EMILIN2: variants seen among roughly 807,000 people sequenced by gnomAD.
EMILIN2 encodes the protein EMILIN-2.
A neutral mutation model predicts 87.1 loss-of-function variants in EMILIN2; 71 were observed. That is an observed-to-expected ratio of 0.82 (90% CI 0.67 to 0.99). EMILIN2 has a LOEUF of 0.99. EMILIN2 is among the 50% of genes least tolerant of loss of function. The probability of loss-of-function intolerance (pLI) is 0.00; values close to 1 mark genes in which losing one functional copy is unlikely to be tolerated. For missense variants in EMILIN2, 1,407 were observed against 1,371.8 expected, an observed-to-expected ratio of 1.03 and a Z score of -0.40; for synonymous variants, 581 against 563.4, an observed-to-expected ratio of 1.03 and a Z score of -0.44.
chr18:2,849,949 CAG>C (rs1438928819), intron 2 of EMILIN2, among the ~76,000 whole-genome samples: 9 of 152,184 alleles, frequency 5.9e-5, no homozygotes, highest in Admixed American at 3.9e-4. Flanking sequence ...TGTTTTGAGA[CAG>C]AGTCTTACCA....
chr18:2,853,749 C>T (rs185023916), intron 2 of EMILIN2, among the ~76,000 whole-genome samples: 25 of 152,308 alleles, frequency 1.6e-4, no homozygotes, highest in Non-Finnish European at 2.9e-4. Context: ...AATCCACAGC[C>T]GGGCTGAGCA....
At chr18:2,881,724 G>T (rs1433448126) in intron 2 of EMILIN2, among the ~76,000 whole-genome samples, 1 of 152,248 alleles carries the variant, frequency 6.6e-6, no homozygotes, top group Non-Finnish European at 1.5e-5. Flanking sequence ...TTCACATTCA[G>T]TCTGAATGCT....
chr18:2,889,692 C>CTTTTTTTTTTTT (rs34248672), intron 3 of EMILIN2, among the ~76,000 whole-genome samples: 31 of 96,614 alleles, frequency 3.2e-4, no homozygotes, highest in African/African-American at 4.1e-4. Flanking sequence ...TTTTTCTTTT[C>CTTTTTTTTTTTT]TTTTTTTTTT....
intron 2 of EMILIN2, among the ~76,000 whole-genome samples, chr18:2,878,801 C>T (rs1031162079): frequency 6.6e-6 from 1 of 152,186 alleles, no homozygotes; most frequent in Non-Finnish European, 1.5e-5. Flanking sequence ...ATACTGTGTT[C>T]CCACACACAT....
intron 5 of EMILIN2, among the ~76,000 whole-genome samples, chr18:2,908,085 T>C (rs2076923263): frequency 6.6e-6 from 1 of 152,220 alleles, no homozygotes; most frequent in South Asian, 2.1e-4. Context: ...CTATTCCTTC[T>C]TAGACACCTG....
At chr18:2,912,065 G>A (rs1446717888) in intron 7 of EMILIN2, among the ~76,000 whole-genome samples, 1 of 120,674 alleles carries the variant, frequency 8.3e-6, no homozygotes, top group Non-Finnish European at 1.6e-5. Flanking sequence ...TTCTGAGACA[G>A]TCTTGTTCTG....
At chr18:2,865,163 C>T (rs938461216) in intron 2 of EMILIN2, among the ~76,000 whole-genome samples, 16 of 143,678 alleles carry the variant, frequency 1.1e-4, no homozygotes, top group African/African-American at 1.3e-4. Flanking sequence ...TGGGTTTGAA[C>T]TTCCTCCTTT....
rs546620136 is a variant in EMILIN2 at position 2,891,234 on chromosome 18, A to G, written c.1107A>G (p.Ile369Met). Residue 369 changes from isoleucine (I) to methionine (M), a missense_variant, in exon 4 of 8, where the codon ATA (isoleucine) becomes ATG (methionine). Physicochemically the swap from Ile to Met is conservative, Grantham distance 10. Transcript: ENST00000254528. The surrounding 1 kb of genome is among the most constrained non-coding windows in gnomAD (Gnocchi z 4.6). The stretch of plus-strand genomic sequence containing the variant: ...GCTACCTGGGAGTGATAGAGCTCAT[A>G]GGGGAGAAGGAAACAAGCCTGAGAA... ...GSSYLGVIEL[I>M]GEKETSLRKE... 1 of 1,614,188 alleles carries G rather than the reference A, an allele frequency of 6.2e-7. No individual in the cohort carries two copies. The highest frequency in any genetic ancestry group is 8.5e-7 in the Non-Finnish European group (1 of 1,180,046).
rs990590742 is a variant in EMILIN2, at chr18:2,892,029, A to G, written c.1902A>G (p.Ala634=). The change falls in exon 4 of 8, where the codon GCA becomes GCG. Residue 634 remains alanine, a synonymous_variant. Transcript: ENST00000254528. ...HLQKEMSNCR[A]GENAGMGRFT... ...AAAAGGAAATGAGCAATTGTAGAGC[A>G]GGTGAAAACGCTGGCATGGGTAGGT... The G allele has an allele frequency of 6.2e-6, 10 of 1,614,140 alleles. No homozygotes were observed. The African/African-American group carries it at 1.3e-4, about 22-fold the overall frequency.
At chr18:2,856,375 G>A (rs1462203910) in intron 2 of EMILIN2, among the ~76,000 whole-genome samples, 3 of 152,174 alleles carry the variant, frequency 2.0e-5, no homozygotes, top group Admixed American at 2.0e-4. Context: ...GGTTCTGCAG[G>A]TGTCTGTGTG....
At chr18:2,905,300 CG>C (rs397948248) in intron 4 of EMILIN2, among the ~76,000 whole-genome samples, 777 of 44,284 alleles carry the variant, frequency 0.018, 14 homozygotes, top group Middle Eastern at 0.039. Context: ...GTGGGTGGGG[CG>C]GGGGGGGGGC....
chr18:2,886,280 C>T (rs964151762), intron 3 of EMILIN2, among the ~76,000 whole-genome samples: 2 of 152,182 alleles, frequency 1.3e-5, no homozygotes, highest in Non-Finnish European at 2.9e-5. Flanking sequence ...ATGACAGATA[C>T]TGGGATGGAG....
At position 2,848,408 on chromosome 18, in the gene EMILIN2, G is replaced by A. The variant is rs2076587095; in HGVS notation, c.257+477G>A. On this transcript the variant is annotated intron_variant, in intron 2 of 7. Coordinates refer to ENST00000254528, the MANE Select transcript of EMILIN2 (RefSeq NM_032048.3). This position sits in a 1 kb window ranked among gnomAD's most constrained non-coding sequence, Gnocchi z 4.1. ...TCTGTCCGTATGTCCCCATAAAACGGAATCTTCCAGTTTTGTAGATGTCTA... is the reference window on the plus strand; with the variant it reads ...TCTGTCCGTATGTCCCCATAAAACGAAATCTTCCAGTTTTGTAGATGTCTA... 1.3e-5 allele frequency among the ~76,000 whole-genome samples: 2 copies of A among 152,124 alleles called. No individual in the cohort carries two copies. The highest frequency in any genetic ancestry group is 4.8e-5 in the African/African-American group (2 of 41,404).
chr18:2,898,002 C>T (rs1159349956), intron 4 of EMILIN2, among the ~76,000 whole-genome samples: 1 of 152,120 alleles, frequency 6.6e-6, no homozygotes, highest in African/African-American at 2.4e-5. Context: ...GGCTCGAGGC[C>T]CTTTATTCCC....
rs141060479 is a variant in EMILIN2, at chr18:2,891,496, A to G, written c.1369A>G (p.Ile457Val). 29 of 1,614,136 alleles carry G rather than the reference A, an allele frequency of 1.8e-5. No individual in the cohort carries two copies. The highest frequency in any genetic ancestry group is 2.4e-5 in the Non-Finnish European group (28 of 1,180,048). ...AAAATGGAATGAACTCGATGCAAGGATCAATGTGACGGAGAAGAACGCTGA... is the reference window on the plus strand; with the variant it reads ...AAAATGGAATGAACTCGATGCAAGGGTCAATGTGACGGAGAAGAACGCTGA... Reference protein sequence around the residue: ...DAKWNELDARINVTEKNAEEH... With the variant: ...DAKWNELDARVNVTEKNAEEH... The change falls in exon 4 of 8, where the codon ATC (isoleucine) becomes GTC (valine). Residue 457 changes from isoleucine to valine, a missense_variant. Transcript: ENST00000254528. This position sits in a 1 kb window ranked among gnomAD's most constrained non-coding sequence, Gnocchi z 4.6.
intron 5 of EMILIN2, 113 bp downstream of exon 5, chr18:2,907,198 A>G: frequency 8.9e-7 from 1 of 1,125,840 alleles, no homozygotes; most frequent in Non-Finnish European, 1.1e-6. Flanking sequence ...CGGGGGGGCA[A>G]GTTCCGAAAT....
chr18:2,911,120 A>C (rs2076938648), intron 7 of EMILIN2, among the ~76,000 whole-genome samples: 1 of 152,230 alleles, frequency 6.6e-6, no homozygotes, highest in Non-Finnish European at 1.5e-5. Flanking sequence ...TAGAGCAGGA[A>C]GGAAAGTACA....
At chr18:2,868,858 A>C (rs982799796) in intron 2 of EMILIN2, among the ~76,000 whole-genome samples, 2 of 152,142 alleles carry the variant, frequency 1.3e-5, no homozygotes, top group African/African-American at 4.8e-5. Flanking sequence ...CTGTGAATCC[A>C]TCTGGTCCTG....
rs11874228 is a variant in EMILIN2, at chr18:2,870,550, G to A, written c.258-14414G>A. ...AAACATAAATAATTACGACATAAAA[G>A]GTGGGAATGAGAATTGTAGTAAGAG... On this transcript the variant is annotated intron_variant, in intron 2 of 7. Coordinates refer to ENST00000254528, the MANE Select transcript of EMILIN2 (RefSeq NM_032048.3). Among the ~76,000 whole-genome samples the A allele has an allele frequency of 6.6e-5, 10 of 152,276 alleles. No homozygotes were observed. In the East Asian group the frequency reaches 1.9e-3, roughly 29 times the overall value.
Sources: gnomAD v4.1 joint callset for allele counts (sites outside exome capture counted in the v4.1 genomes callset) on GRCh38, gnomAD v4.1.1 for gene constraint, Gnocchi (gnomAD v3.1) non-coding constraint, MANE v1.5 for transcripts, NCBI Gene and HGNC (gene_info 2026-07-23, HGNC 2026-07-21) for gene names.